The following GOLPH3L variants were observed in gnomAD, a reference collection of about 807,000 sequenced individuals.
GOLPH3L encodes the protein Golgi phosphoprotein 3-like.
GOLPH3L carries 22 observed loss-of-function variants against 30.3 expected under a neutral mutation model. The observed-to-expected ratio is 0.73, with a 90% CI of 0.52 to 1.04. GOLPH3L has a LOEUF of 1.04. GOLPH3L is among the 50% of genes least tolerant of loss of function. The pLI is 0.00. For missense variants in GOLPH3L, 303 were observed against 345.8 expected, an observed-to-expected ratio of 0.88 and a Z score of 0.98; for synonymous variants, 120 against 128.2, an observed-to-expected ratio of 0.94 and a Z score of 0.43.
At position 150,647,311 on chromosome 1, in the gene GOLPH3L, A is replaced by G. The variant is rs908832904; in HGVS notation, c.*1010T>C. The G allele has an allele frequency of 1.3e-5, 2 of 152,216 alleles. No individual in the cohort carries two copies. Among genetic ancestry groups the G allele is most frequent in the African/African-American group, 4.8e-5 (2 of 41,418 alleles). 9.4% of individuals were successfully genotyped at this position (152,216 alleles called of 1,614,324 possible). A position where few individuals can be genotyped will look rare whatever the true frequency, so the allele number is the denominator to read the frequency against. On this transcript the variant is annotated 3_prime_UTR_variant, in exon 5 of 5. Coordinates refer to ENST00000271732, the MANE Select transcript of GOLPH3L (RefSeq NM_018178.6). ...CAGGAATTCAAGACCAGCCTGGGCA[A>G]CAAAGCGAGACTCTTGTCTAAAACA...
Position 150,663,737 on chromosome 1 carries a change from G to A in GOLPH3L, c.210C>T (p.Cys70=). Residue 70 remains cysteine, a synonymous_variant, in exon 3 of 5, where the codon TGC becomes TGT. Transcript: ENST00000271732. ...TGCCCCCTCGCAGGCCTGATGATATGCAGTCATTCCAGAAAGATGTGTACC... is the reference window on the plus strand; with the variant it reads ...TGCCCCCTCGCAGGCCTGATGATATACAGTCATTCCAGAAAGATGTGTACC... ...KEGYTSFWND[C]ISSGLRGGIL... is the part of the protein sequence containing the mutation. The A allele has an allele frequency of 6.2e-7, 1 of 1,613,164 alleles. No homozygotes were observed. The highest frequency in any genetic ancestry group is 1.3e-5 in the African/African-American group (1 of 74,998).
intron 2 of GOLPH3L, among the ~76,000 whole-genome samples, chr1:150,678,198 C>T (rs1244551554): frequency 7.2e-6 from 1 of 138,472 alleles, no homozygotes; most frequent in African/African-American, 2.7e-5. Flanking sequence ...ACTCGGGAGG[C>T]TGAGGCAGGA....
intron 2 of GOLPH3L, among the ~76,000 whole-genome samples, chr1:150,690,132 A>G (rs1273371894): frequency 6.6e-6 from 1 of 151,988 alleles, no homozygotes; most frequent in Non-Finnish European, 1.5e-5. Flanking sequence ...AACTGCAGGT[A>G]TGTGACACCA....
intron 2 of GOLPH3L, among the ~76,000 whole-genome samples, chr1:150,671,384 A>G (rs1489742071): frequency 6.6e-6 from 1 of 152,226 alleles, no homozygotes; most frequent in Non-Finnish European, 1.5e-5. Context: ...CAGACAGTCA[A>G]CACTTTATGC....
intron 2 of GOLPH3L, among the ~76,000 whole-genome samples, chr1:150,688,708 G>A (rs1651146260): frequency 6.6e-6 from 1 of 152,092 alleles, no homozygotes; most frequent in Admixed American, 6.5e-5. Context: ...CCAAGATCAC[G>A]CCACTGCTTT....
intron 4 of GOLPH3L, among the ~76,000 whole-genome samples, chr1:150,650,643 G>T (rs1650084578): frequency 6.6e-6 from 1 of 152,170 alleles, no homozygotes; most frequent in Non-Finnish European, 1.5e-5. Flanking sequence ...CATGTTCCTT[G>T]TGAGACTCTA....
chr1:150,689,023 CTCTT>C (rs1256970008), intron 2 of GOLPH3L, among the ~76,000 whole-genome samples: 62 of 152,332 alleles, frequency 4.1e-4, no homozygotes, highest in Admixed American at 4.1e-3. Flanking sequence ...TTTTTGTTCT[CTCTT>C]TCTATGACAT....
At chr1:150,658,124 G>A (rs774963540) in intron 4 of GOLPH3L, among the ~76,000 whole-genome samples, 11 of 152,158 alleles carry the variant, frequency 7.2e-5, no homozygotes, top group East Asian at 1.9e-4. Flanking sequence ...AAGAGATTCC[G>A]GGAGGATCCC....
intron 2 of GOLPH3L, among the ~76,000 whole-genome samples, chr1:150,684,753 C>T (rs879566963): frequency 3.3e-5 from 5 of 151,402 alleles, no homozygotes; most frequent in Admixed American, 1.3e-4. Context: ...CTGCAAACTC[C>T]GCCTCCTGGG....
chr1:150,668,723 CT>C (rs144294950), intron 2 of GOLPH3L, among the ~76,000 whole-genome samples: 25 of 150,536 alleles, frequency 1.7e-4, no homozygotes, highest in Non-Finnish European at 3.0e-4. Flanking sequence ...AAGGGGTAGG[CT>C]TTTTTTTTAG....
At chr1:150,683,191 CAGG>C (rs1203166278) in intron 2 of GOLPH3L, among the ~76,000 whole-genome samples, 5 of 152,106 alleles carry the variant, frequency 3.3e-5, no homozygotes, top group Admixed American at 3.3e-4. Flanking sequence ...CACATGAGGT[CAGG>C]AGTTCATGAC....
At chr1:150,668,513 G>C (rs1650562232) in intron 2 of GOLPH3L, among the ~76,000 whole-genome samples, 1 of 152,142 alleles carries the variant, frequency 6.6e-6, no homozygotes, top group Non-Finnish European at 1.5e-5. Context: ...CTCCCAAGTA[G>C]TTGGGACTAC....
At chr1:150,695,351 G>A (rs1428908773) in intron 1 of GOLPH3L, among the ~76,000 whole-genome samples, 1 of 152,102 alleles carries the variant, frequency 6.6e-6, no homozygotes, top group Non-Finnish European at 1.5e-5. Context: ...TGGCCAGGCT[G>A]GTCTTGAACT....
chr1:150,670,454 G>A (rs961621310), intron 2 of GOLPH3L, among the ~76,000 whole-genome samples: 26 of 151,990 alleles, frequency 1.7e-4, no homozygotes, highest in Non-Finnish European at 2.6e-4. Context: ...AAAATTAGCC[G>A]GGCGTGGTGG....
intron 2 of GOLPH3L, among the ~76,000 whole-genome samples, chr1:150,687,999 A>T (rs1651128818): frequency 6.6e-6 from 1 of 152,258 alleles, no homozygotes; most frequent in African/African-American, 2.4e-5. Flanking sequence ...ACATTAAAAT[A>T]TTAACCCAAT....
At chr1:150,673,150 G>C (rs1476529538) in intron 2 of GOLPH3L, among the ~76,000 whole-genome samples, 1 of 152,072 alleles carries the variant, frequency 6.6e-6, no homozygotes, top group Non-Finnish European at 1.5e-5. Flanking sequence ...AATATCATTA[G>C]TTGTTTTACC....
chr1:150,677,399 G>A (rs1271436322), intron 2 of GOLPH3L, among the ~76,000 whole-genome samples: 3 of 151,820 alleles, frequency 2.0e-5, no homozygotes, highest in African/African-American at 7.3e-5. Context: ...ACCGTGCCTG[G>A]CTAAGTTTTT....
chr1:150,665,647 ACTCT>A (rs1650483082), intron 2 of GOLPH3L, among the ~76,000 whole-genome samples: 1 of 151,682 alleles, frequency 6.6e-6, no homozygotes, highest in Admixed American at 6.6e-5. Flanking sequence ...TATTTTAACC[ACTCT>A]TTTAGTTGTC....
chr1:150,689,405 T>C (rs1424808252), intron 2 of GOLPH3L, among the ~76,000 whole-genome samples: 1 of 152,196 alleles, frequency 6.6e-6, no homozygotes, highest in Non-Finnish European at 1.5e-5. Context: ...GAGTTAATAA[T>C]CTATATCAAA....
Sources: allele counts gnomAD v4.1 joint callset (sites outside exome capture counted in the v4.1 genomes callset), GRCh38; gene constraint gnomAD v4.1.1; transcripts MANE v1.5; gene names NCBI Gene and HGNC (gene_info 2026-07-23, HGNC 2026-07-21).